The following HSPD1 variants were observed in gnomAD, a reference collection of about 807,000 sequenced individuals.
The protein encoded by HSPD1 is heat shock protein family D (Hsp60) member 1, also known as 60 kDa heat shock protein, mitochondrial.
Under a neutral mutation model 53.0 loss-of-function variants are expected in HSPD1, and 3 were observed. The ratio of observed to expected loss-of-function variants is 0.06; its 90% CI spans 0.03 to 0.15. The LOEUF is 0.15. Ranked by LOEUF, HSPD1 falls within the 10% of genes least tolerant of loss-of-function variation. HSPD1 has a pLI of 1.00. For missense variants in HSPD1, 431 were observed against 694.1 expected, an observed-to-expected ratio of 0.62 and a Z score of 4.26; for synonymous variants, 200 against 228.0, an observed-to-expected ratio of 0.88 and a Z score of 1.10.
rs1349546676 is a variant in HSPD1, at chr2:197,490,243, T to C, written c.923A>G (p.Asn308Ser). ...CATATCTTTAAGCTGGTTCTTTCTA[T>C]TGTCACCAAACCCTGGAGCCTTGAC... ...VAVKAPGFGD[N>S]RKNQLKDMAI... The change falls in exon 8 of 12, where the codon AAT (asparagine) becomes AGT (serine). Residue 308 changes from asparagine to serine, a missense_variant. Physicochemically the swap from Asn to Ser is conservative, Grantham distance 46. This residue lies in a region of HSPD1 where 386 missense variants were observed against 657.6 expected (regional missense o/e 0.59). Transcript: ENST00000388968. 1.5e-5 allele frequency: 25 copies of C among 1,614,116 alleles called. No homozygotes were observed. Among genetic ancestry groups the C allele is most frequent in the Non-Finnish European group, 1.9e-5 (23 of 1,179,986 alleles).
rs751104797 is a variant in HSPD1 at position 197,489,039 on chromosome 2, C to T, written c.1178G>A (p.Arg393Gln). The T allele has an allele frequency of 5.0e-6, 8 of 1,613,726 alleles. No homozygotes were observed. In the African/African-American group the frequency reaches 8.0e-5, roughly 16 times the overall value. The change falls in exon 9 of 12, where the codon CGG becomes CAG. Residue 393 changes from arginine to glutamine, a missense_variant. Arg to Gln is a conservative substitution (Grantham distance 43). Coordinates refer to ENST00000388968, the MANE Select transcript of HSPD1 (RefSeq NM_002156.5). ...CACTCCATCTGAAAGTTTTGCAAGC[C>T]GTTCATTCAGTTTTTCCTTTTCATA... ...SEYEKEKLNE[R>Q]LAKLSDGVAV...
chr2:197,494,981 A>G (rs531758698), intron 4 of HSPD1: 10 of 598,330 alleles, frequency 1.7e-5, no homozygotes, highest in African/African-American at 5.6e-5. Context: ...CTTGTAACAA[A>G]AAGTTTAAAA....
At position 197,488,434 on chromosome 2, in the gene HSPD1, G is replaced by A. The variant is rs1287985479; in HGVS notation, c.1273C>T (p.Leu425Phe). The change falls in exon 10 of 12, where the codon CTT becomes TTT. Residue 425 changes from leucine (L) to phenylalanine (F), a missense_variant. Around this residue, in one of 2 missense-constraint regions of HSPD1, gnomAD observed 386 missense variants for 657.6 expected, o/e 0.59. Coordinates refer to ENST00000388968, the MANE Select transcript of HSPD1 (RefSeq NM_002156.5). ...TCAACAGCAGCTCTTGTAGCATTAA[G>A]GGCATCTGTAACTCTGTCTTTCTTT... is the stretch of plus-strand genomic sequence containing the variant. ...NEKKDRVTDA[L>F]NATRAAVEEG... The A allele has an allele frequency of 6.2e-7, 1 of 1,613,728 alleles. No homozygotes were observed. Among genetic ancestry groups the A allele is most frequent in the South Asian group, 1.1e-5 (1 of 91,072 alleles).
chr2:197,497,988 C>G (rs1422012620), intron 2 of HSPD1, among the ~76,000 whole-genome samples: 1 of 152,190 alleles, frequency 6.6e-6, no homozygotes, highest in Non-Finnish European at 1.5e-5. Context: ...TGACTGCACA[C>G]CACCTTCAAA....
chr2:197,494,951 A>C, intron 4 of HSPD1, 199 bp from the exon 5 acceptor site: 5 of 615,132 alleles, frequency 8.1e-6, no homozygotes, highest in Non-Finnish European at 1.2e-5. Context: ...GTTTTGAAGA[A>C]TATGATACAT....
intron 11 of HSPD1, among the ~76,000 whole-genome samples, chr2:197,487,473 G>A (rs1344266576): frequency 1.3e-5 from 2 of 152,174 alleles, no homozygotes; most frequent in Non-Finnish European, 2.9e-5. Flanking sequence ...CTTGAACCCA[G>A]GAGGTGGAGG....
At position 197,497,599 on chromosome 2, in the gene HSPD1, A is replaced by G. The variant is rs1057237864; in HGVS notation, c.175-207T>C. ...AATGACCTGATTCTCTGCCAAGAGC[A>G]TAATTTTGAACTAGGTAATTTAGGA... On this transcript the variant is annotated intron_variant, in intron 2 of 11. Transcript: ENST00000388968. 21 of 598,832 alleles carry G rather than the reference A, an allele frequency of 3.5e-5. No individual in the cohort carries two copies. The East Asian group carries it at 5.7e-4, about 16-fold the overall frequency. The allele number at this position is 598,832 out of a possible 1,614,324, so 37.1% of individuals were successfully genotyped here.
chr2:197,490,390 C>A, intron 7 of HSPD1, 94 bp from the exon 8 acceptor site: 1 of 937,152 alleles, frequency 1.1e-6, no homozygotes, highest in South Asian at 1.4e-5. Flanking sequence ...TTAGGACTCC[C>A]TAAGTAATCT....
At position 197,486,857 on chromosome 2, in the gene HSPD1, A is replaced by T; in HGVS notation, c.*189T>A. 2 of 594,664 alleles carry T rather than the reference A, an allele frequency of 3.4e-6. No individual in the cohort carries two copies. Among genetic ancestry groups the T allele is most frequent in the Non-Finnish European group, 3.0e-6 (1 of 333,578 alleles). The allele number at this position is 594,664 out of a possible 1,614,324, so 36.8% of individuals were successfully genotyped here. A position where few individuals can be genotyped will look rare whatever the true frequency, so the allele number is the denominator to read the frequency against. On this transcript the variant is annotated 3_prime_UTR_variant, in exon 12 of 12. Coordinates refer to ENST00000388968, the MANE Select transcript of HSPD1 (RefSeq NM_002156.5). ...AATACAAAATAAATTATCTGTAGGC[A>T]TGGACAATGACAGCAGTAAACCATT...
rs768557320 is a variant in HSPD1, at chr2:197,489,109, G to A, written c.1108C>T (p.Arg370Cys). 10 of 1,613,924 alleles carry A rather than the reference G, an allele frequency of 6.2e-6. No individual in the cohort carries two copies. Among genetic ancestry groups the A allele is most frequent in the Non-Finnish European group, 8.5e-6 (10 of 1,179,896 alleles). ...GKGDKAQIEK[R>C]IQEIIEQLDV... ...AACTGCTCAATGATTTCTTGAATAC[G>A]TTTTTCAATTTGAGCCTTGTCACCT... Residue 370 changes from arginine (R) to cysteine (C), a missense_variant, in exon 9 of 12, where the codon CGT (arginine) becomes TGT (cysteine). Physicochemically the swap from Arg to Cys is radical, Grantham distance 180. Around this residue, in one of 2 missense-constraint regions of HSPD1, gnomAD observed 386 missense variants for 657.6 expected, o/e 0.59. Coordinates refer to ENST00000388968, the MANE Select transcript of HSPD1 (RefSeq NM_002156.5).
chr2:197,492,880 C>T (rs1264869309), intron 7 of HSPD1, among the ~76,000 whole-genome samples: 4 of 151,138 alleles, frequency 2.6e-5, no homozygotes, highest in Non-Finnish European at 5.9e-5. Flanking sequence ...TGTGGTGGCA[C>T]GCACCTGTAG....
At chr2:197,496,054 CCTTA>C (rs1161553318) in intron 3 of HSPD1, among the ~76,000 whole-genome samples, 3 of 152,266 alleles carry the variant, frequency 2.0e-5, no homozygotes, top group African/African-American at 7.2e-5. Context: ...GCTAACACTC[CCTTA>C]TTTTCAACAA....
intron 2 of HSPD1, 147 bp from the exon 3 acceptor site, chr2:197,497,539 G>T: frequency 1.3e-6 from 1 of 760,540 alleles, no homozygotes; most frequent in Non-Finnish European, 2.2e-6. Context: ...TGAACCTCAA[G>T]GGCAAGTTTA....
At position 197,494,435 on chromosome 2, in the gene HSPD1, A is replaced by T. The variant is rs2086132034; in HGVS notation, c.607-185T>A. ...AAAGTGCTTATTTGAATAATCATTT[A>T]AGTTAGGATGGATTCATTTCATGCA... On this transcript the variant is annotated intron_variant, in intron 5 of 11. Coordinates refer to ENST00000388968, the MANE Select transcript of HSPD1 (RefSeq NM_002156.5). 25 of 632,700 alleles carry T rather than the reference A, an allele frequency of 4.0e-5. No homozygotes were observed. The South Asian group carries it at 4.8e-4, about 12-fold the overall frequency. The allele number at this position is 632,700 out of a possible 1,614,324, so 39.2% of individuals were successfully genotyped here.
At chr2:197,496,953 A>G (rs927059941) in intron 3 of HSPD1, 187 bp downstream of exon 3, 5 of 640,266 alleles carry the variant, frequency 7.8e-6, no homozygotes, top group East Asian at 5.5e-5. Flanking sequence ...AAAATTACCT[A>G]ACAGTACCTA....
At chr2:197,488,290 A>T in intron 10 of HSPD1, 27 bp downstream of exon 10, 2 of 1,607,768 alleles carry the variant, frequency 1.2e-6, no homozygotes, top group Admixed American at 3.3e-5. Flanking sequence ...ATCAGGCCAC[A>T]AACTCATTTA....
At chr2:197,489,683 C>T in intron 8 of HSPD1, among the ~76,000 whole-genome samples, 1 of 151,990 alleles carries the variant, frequency 6.6e-6, no homozygotes, top group Non-Finnish European at 1.5e-5. Flanking sequence ...TACAGTGAGA[C>T]CCGTCATTAC....
chr2:197,493,784 G>A (rs1487866494), intron 6 of HSPD1, among the ~76,000 whole-genome samples: 1 of 152,142 alleles, frequency 6.6e-6, no homozygotes, highest in East Asian at 1.9e-4. Flanking sequence ...GGCCAACATG[G>A]CTAAACCTTG....
At chr2:197,493,006 C>CA (rs11400864) in intron 7 of HSPD1, among the ~76,000 whole-genome samples, 43,766 of 141,202 alleles carry the variant, frequency 0.31, 7,038 homozygotes, top group East Asian at 0.51. Flanking sequence ...GACTCTGTCT[C>CA]AAAAAAAAAA....
Sources: gnomAD v4.1 joint callset for allele counts (sites outside exome capture counted in the v4.1 genomes callset) on GRCh38, gnomAD v4.1.1 for gene constraint, gnomAD v4.1.1 regional missense constraint, MANE v1.5 for transcripts, NCBI Gene and HGNC (gene_info 2026-07-23, HGNC 2026-07-21) for gene names.